PARP16: variants seen among roughly 807,000 people sequenced by gnomAD.
The protein encoded by PARP16 is protein mono-ADP-ribosyltransferase PARP16.
PARP16 carries 31 observed loss-of-function variants against 35.0 expected under a neutral mutation model. That is an observed-to-expected ratio of 0.88 (90% CI 0.66 to 1.19). The LOEUF (loss-of-function observed/expected upper bound fraction) is 1.19, where lower values mean the gene tolerates loss of function less well. Ranked by LOEUF, PARP16 falls within the 50% of genes most tolerant of loss-of-function variation. The probability of loss-of-function intolerance (pLI) is 0.00; values close to 1 mark genes in which losing one functional copy is unlikely to be tolerated. For missense variants in PARP16, 424 were observed against 411.2 expected, an observed-to-expected ratio of 1.03 and a Z score of -0.27; for synonymous variants, 162 against 169.5, an observed-to-expected ratio of 0.96 and a Z score of 0.34.
chr15:65,281,158 CA>C (rs2090412866), intron 1 of PARP16, among the ~76,000 whole-genome samples: 1 of 152,122 alleles, frequency 6.6e-6, no homozygotes, highest in Non-Finnish European at 1.5e-5. Context: ...GAAAACAGAA[CA>C]AAAAACTGTA....
In PARP16 at chr15:65,237,651, GAAC is replaced by G. The variant is rs558258024; in HGVS notation, c.*98-2831_*98-2829del. On this transcript the variant is annotated intron_variant and NMD_transcript_variant, in intron 3 of 3. Coordinates refer to the PARP16 transcript ENST00000559805. ...AGCTGCCAGAGCTGGAAGAGTCAAA[GAAC>G]AACATCTCCCCTAGAGCCTCCAGAG... is the stretch of plus-strand genomic sequence containing the variant. Among the ~76,000 whole-genome samples, 24 of 152,232 alleles carry G rather than the reference GAAC, an allele frequency of 1.6e-4. No individual in the cohort carries two copies. In the South Asian group the frequency reaches 1.7e-3, roughly 11 times the overall value.
At chr15:65,248,225 G>T (rs535457490) in exon 3 of PARP16, 77 of 456,444 alleles carry the variant, frequency 1.7e-4, no homozygotes, top group Non-Finnish European at 2.9e-4. Context: ...CAGATTCCCA[G>T]TGCCTAGTGT....
intron 3 of PARP16, among the ~76,000 whole-genome samples, chr15:65,236,461 T>C (rs769736369): frequency 6.6e-6 from 1 of 152,202 alleles, no homozygotes; most frequent in Non-Finnish European, 1.5e-5. Context: ...CACCATTGGA[T>C]GCTAACTCAA....
At chr15:65,272,958 G>C (rs1455375357) in intron 1 of PARP16, among the ~76,000 whole-genome samples, 2 of 152,066 alleles carry the variant, frequency 1.3e-5, no homozygotes, top group East Asian at 3.9e-4. Flanking sequence ...CTTCTGCTTT[G>C]CAAGGGATGT....
downstream of PARP16, among the ~76,000 whole-genome samples, chr15:65,233,358 C>T (rs1361039094): frequency 4.0e-5 from 6 of 150,996 alleles, no homozygotes; most frequent in Non-Finnish European, 5.9e-5. Flanking sequence ...GCCAAGATCG[C>T]GCCACTGCTC....
intron 1 of PARP16, among the ~76,000 whole-genome samples, chr15:65,283,354 C>G (rs1443122855): frequency 6.6e-6 from 1 of 152,082 alleles, no homozygotes; most frequent in Non-Finnish European, 1.5e-5. Flanking sequence ...CCTCTCTCAC[C>G]CTGCCACCAC....
intron 2 of PARP16, among the ~76,000 whole-genome samples, chr15:65,270,375 G>C (rs1475124742): frequency 6.6e-6 from 1 of 152,128 alleles, no homozygotes; most frequent in Non-Finnish European, 1.5e-5. Context: ...TGGAAAAAAG[G>C]AGGCCCTTTT....
Position 65,286,382 on chromosome 15 carries a change from G to A in PARP16, c.45C>T (p.Arg15=). The change falls in exon 1 of 6, where the codon CGC becomes CGT. Residue 15 remains arginine, a synonymous_variant. Coordinates refer to ENST00000649807, the MANE Select transcript of PARP16 (RefSeq NM_001316943.2). ...GWAAAREAAG[R]DMLAADLRCS... ...ACCGGAGGTCGGCGGCCAGCATGTC[G>A]CGGCCCGCCGCCTCCCTGGCGGCCG... 6.4e-7 allele frequency: 1 copy of A among 1,556,466 alleles called. No homozygotes were observed. Among genetic ancestry groups the A allele is most frequent in the Non-Finnish European group, 8.7e-7 (1 of 1,155,560 alleles).
intron 3 of PARP16, among the ~76,000 whole-genome samples, chr15:65,241,347 G>C (rs1196323154): frequency 1.3e-5 from 2 of 152,144 alleles, no homozygotes; most frequent in African/African-American, 2.4e-5. Context: ...CACCATGTTG[G>C]CCAGGCTGGT....
intron 1 of PARP16, among the ~76,000 whole-genome samples, chr15:65,272,822 G>C (rs2090132226): frequency 1.3e-5 from 2 of 152,262 alleles, no homozygotes; most frequent in Admixed American, 1.3e-4. Flanking sequence ...CCTCGCCAAG[G>C]GGTTGTCAGG....
intron 3 of PARP16, among the ~76,000 whole-genome samples, chr15:65,266,326 T>C (rs1053384785): frequency 2.0e-5 from 3 of 152,212 alleles, no homozygotes; most frequent in African/African-American, 7.2e-5. Flanking sequence ...CTAGAGATCT[T>C]GTTAAAATGC....
chr15:65,250,596 G>A (rs1259720949), intron 2 of PARP16, among the ~76,000 whole-genome samples: 1 of 152,196 alleles, frequency 6.6e-6, no homozygotes. Flanking sequence ...ACATCATGCA[G>A]GAGGCACTTG....
chr15:65,263,123 C>T (rs2089788912), intron 4 of PARP16, 26 bp downstream of exon 4: 1 of 1,607,532 alleles, frequency 6.2e-7, no homozygotes, highest in Non-Finnish European at 8.5e-7. Flanking sequence ...GCCTGTAGCC[C>T]AGGTCTGGAC....
At chr15:65,237,213 T>G (rs2140716204) in intron 3 of PARP16, among the ~76,000 whole-genome samples, 1 of 151,946 alleles carries the variant, frequency 6.6e-6, no homozygotes, top group South Asian at 2.1e-4. Context: ...GCCCTATACC[T>G]CCTTGCCTGA....
intron 1 of PARP16, among the ~76,000 whole-genome samples, chr15:65,273,714 T>G (rs1245709644): frequency 1.3e-5 from 2 of 151,796 alleles, no homozygotes. Flanking sequence ...CCATCTCTAC[T>G]AAAGATACAA....
At chr15:65,261,283 AGAAG>A (rs975774373) in intron 4 of PARP16, among the ~76,000 whole-genome samples, 96 of 151,896 alleles carry the variant, frequency 6.3e-4, no homozygotes, top group African/African-American at 2.3e-3. Flanking sequence ...TGGGGAGAAC[AGAAG>A]GAAGAAGCAA....
intron 3 of PARP16, among the ~76,000 whole-genome samples, chr15:65,235,341 A>C (rs1235420925): frequency 6.6e-6 from 1 of 151,888 alleles, no homozygotes; most frequent in African/African-American, 2.4e-5. Context: ...AAAATAAAAT[A>C]AAAATTAAAA....
chr15:65,274,219 C>T (rs573212084), intron 1 of PARP16, among the ~76,000 whole-genome samples: 1 of 150,188 alleles, frequency 6.7e-6, no homozygotes. Flanking sequence ...GCTGTGATTA[C>T]AGGCATGAGC....
At chr15:65,251,774 T>G (rs1038479030) in intron 2 of PARP16, among the ~76,000 whole-genome samples, 2 of 151,852 alleles carry the variant, frequency 1.3e-5, no homozygotes, top group African/African-American at 4.8e-5. Flanking sequence ...TTCGTTTGTT[T>G]GCTTTTTTGA....
Sources: gnomAD v4.1 joint callset for allele counts (sites outside exome capture counted in the v4.1 genomes callset) on GRCh38, gnomAD v4.1.1 for gene constraint, MANE v1.5 for transcripts, NCBI Gene and HGNC (gene_info 2026-07-23, HGNC 2026-07-21) for gene names.